The following TMF1 variants were observed in gnomAD, a reference collection of about 807,000 sequenced individuals.
TMF1 encodes the protein TATA element modulatory factor 1.
In TMF1, 71 loss-of-function variants were observed where a neutral mutation model predicts 126.5. That is an observed-to-expected ratio of 0.56 (90% CI 0.46 to 0.68). The LOEUF is 0.68. TMF1 is among the 30% of genes least tolerant of loss of function. The pLI is 0.00. For missense variants in TMF1, 1,259 were observed against 1,253.2 expected, an observed-to-expected ratio of 1.00 and a Z score of -0.07; for synonymous variants, 461 against 430.5, an observed-to-expected ratio of 1.07 and a Z score of -0.88.
Position 69,023,147 on chromosome 3 carries a change from T to A in TMF1, c.*30A>T. 1 of 1,586,724 alleles carries A rather than the reference T, an allele frequency of 6.3e-7. No homozygotes were observed. The highest frequency in any genetic ancestry group is 8.6e-7 in the Non-Finnish European group (1 of 1,160,620). On this transcript the variant is annotated 3_prime_UTR_variant, in exon 17 of 17. Transcript: ENST00000398559. ...ATGTTTAGATATTAAATGCTTACAT[T>A]CAGTTTGATGGGAATTCAATTTTCA...
intron 2 of TMF1, among the ~76,000 whole-genome samples, chr3:69,046,853 TATGA>T (rs2091898428): frequency 6.6e-6 from 1 of 152,194 alleles, no homozygotes; most frequent in African/African-American, 2.4e-5. Context: ...ACTCCTTATA[TATGA>T]ATGAAAATAC....
rs771481761 is a variant in TMF1, at chr3:69,043,889, T to C, written c.1452-13A>G. 6.3e-7 allele frequency: 1 copy of C among 1,591,180 alleles called. No individual in the cohort carries two copies. The highest frequency in any genetic ancestry group is 8.5e-7 in the Non-Finnish European group (1 of 1,169,646). On this transcript the variant is annotated splice_polypyrimidine_tract_variant and intron_variant, in intron 3 of 16. Coordinates refer to ENST00000398559, the MANE Select transcript of TMF1 (RefSeq NM_007114.3). Reference sequence around the variant, plus strand: ...TCTGAACATTTCACTAAATTTAAAATAATATTTGAGAATGAGGATGGTGTC... The same window carrying C: ...TCTGAACATTTCACTAAATTTAAAACAATATTTGAGAATGAGGATGGTGTC...
chr3:69,023,386 C>T, intron 16 of TMF1, 66 bp from the exon 17 acceptor site: 3 of 1,295,458 alleles, frequency 2.3e-6, no homozygotes, highest in Non-Finnish European at 1.1e-6. Flanking sequence ...ATTTATATTG[C>T]CATAGGAGTC....
In TMF1 at chr3:69,042,387, A is replaced by T. The variant is rs369992241; in HGVS notation, c.1684+420T>A. 9 of 456,262 alleles carry T rather than the reference A, an allele frequency of 2.0e-5. No homozygotes were observed. The Admixed American group carries it at 2.1e-4, about 11-fold the overall frequency. 28.3% of individuals were successfully genotyped at this position (456,262 alleles called of 1,614,324 possible). Reference sequence around the variant, plus strand: ...CAGAGACAAAAGTGCTTAATAATTTAAAAATTAATACAATGAAAAATTCAC... The same window carrying T: ...CAGAGACAAAAGTGCTTAATAATTTTAAAATTAATACAATGAAAAATTCAC... On this transcript the variant is annotated intron_variant, in intron 5 of 16. Coordinates refer to ENST00000398559, the MANE Select transcript of TMF1 (RefSeq NM_007114.3).
chr3:69,025,584 C>T lies in TMF1; in HGVS notation c.2988G>A (p.Arg996=), dbSNP rs1278575301. Residue 996 remains arginine, a synonymous_variant, in exon 15 of 17, where the codon AGG becomes AGA. Coordinates refer to ENST00000398559, the MANE Select transcript of TMF1 (RefSeq NM_007114.3). ...IENLQSQLKL[R]EGEITHLQLE... Reference sequence around the variant, plus strand: ...CCTGTAAATGAGTGATTTCCCCTTCCCTTAGCTTTAGCTGAGACTGTAGGT... The same window carrying T: ...CCTGTAAATGAGTGATTTCCCCTTCTCTTAGCTTTAGCTGAGACTGTAGGT... The T allele has an allele frequency of 6.2e-7, 1 of 1,612,802 alleles. No individual in the cohort carries two copies. The highest frequency in any genetic ancestry group is 8.5e-7 in the Non-Finnish European group (1 of 1,179,520).
chr3:69,043,835 G>A lies in TMF1; in HGVS notation c.1493C>T (p.Ser498Phe), dbSNP rs758815357. ...RVKEESSSIS[S>F]LKDEFTQRIA... ...TCTTTGAGTAAACTCATCTTTCAAG[G>A]AAGAAATGCTACTGCTTTCTTCTTT... Residue 498 changes from serine (S) to phenylalanine (F), a missense_variant, in exon 4 of 17, where the codon TCC becomes TTC. Physicochemically the swap from Ser to Phe is radical, Grantham distance 155. Coordinates refer to ENST00000398559, the MANE Select transcript of TMF1 (RefSeq NM_007114.3). The A allele has an allele frequency of 6.2e-7, 1 of 1,610,668 alleles. No homozygotes were observed.
In TMF1 at chr3:69,032,984, G is replaced by A. The variant is rs370935349; in HGVS notation, c.2401+564C>T. Among the ~76,000 whole-genome samples the A allele has an allele frequency of 6.6e-5, 10 of 151,946 alleles. No individual in the cohort carries two copies. In the East Asian group the frequency reaches 1.7e-3, roughly 26 times the overall value. On this transcript the variant is annotated intron_variant, in intron 10 of 16. Transcript: ENST00000398559. Reference sequence around the variant, plus strand: ...CTTGACTCTCCTTAGACCTATTTTCGCTCTTGGAATTCTACCAGTGATGAG... The same window carrying A: ...CTTGACTCTCCTTAGACCTATTTTCACTCTTGGAATTCTACCAGTGATGAG...
At chr3:69,030,510 T>C (rs2091794537) in intron 10 of TMF1, 1 of 152,264 alleles carries the variant, frequency 6.6e-6, no homozygotes, top group Non-Finnish European at 1.5e-5. Flanking sequence ...CTTTTAAATC[T>C]ATGTGAAGAG....
intron 15 of TMF1, chr3:69,025,304 C>G (rs1362013240): frequency 5.5e-6 from 2 of 363,146 alleles, no homozygotes; most frequent in Non-Finnish European, 9.9e-6. Flanking sequence ...GAGGCCTGCT[C>G]CAGCCCAGCA....
intron 11 of TMF1, among the ~76,000 whole-genome samples, chr3:69,029,094 A>G (rs1197712817): frequency 6.7e-6 from 1 of 150,256 alleles, no homozygotes; most frequent in African/African-American, 2.5e-5. Context: ...GCTGGGGTGC[A>G]ATGGTGCAAT....
At position 69,042,803 on chromosome 3, in the gene TMF1, G is replaced by T. The variant is rs373194763; in HGVS notation, c.1684+4C>A. The T allele has an allele frequency of 1.2e-6, 2 of 1,609,742 alleles. No homozygotes were observed. Among genetic ancestry groups the T allele is most frequent in the Non-Finnish European group, 1.7e-6 (2 of 1,176,636 alleles). ...TTTCATAGTCAACCAAATACTATAC[G>T]CACCTTCTTCCATTAACCCTCGGAT... On this transcript the variant is annotated splice_donor_region_variant and intron_variant, in intron 5 of 16. Coordinates refer to ENST00000398559, the MANE Select transcript of TMF1 (RefSeq NM_007114.3).
Position 69,027,914 on chromosome 3 carries a change from TTTC to T in TMF1, c.2740_2742del (p.Glu914del), listed in dbSNP as rs2091778972. ...AAATTCAATACCTTTTCTTTTATTG[TTTC>T]TTGAGTAAAAATGGCTTTCTTCCTT... On this transcript the variant is annotated inframe_deletion, in exon 13 of 17. Transcript: ENST00000398559. 3.2e-6 allele frequency: 5 copies of T among 1,563,538 alleles called. No homozygotes were observed. The East Asian group carries it at 1.1e-4, about 35-fold the overall frequency.
chr3:69,050,613 C>T (rs1258341096), intron 1 of TMF1, among the ~76,000 whole-genome samples: 3 of 152,166 alleles, frequency 2.0e-5, no homozygotes, highest in Non-Finnish European at 4.4e-5. Context: ...TATATTCTAT[C>T]TTATCTAAAG....
intron 8 of TMF1, among the ~76,000 whole-genome samples, chr3:69,036,792 G>C (rs2091833874): frequency 6.6e-6 from 1 of 152,152 alleles, no homozygotes; most frequent in Non-Finnish European, 1.5e-5. Context: ...ACATGCAAAA[G>C]ACCTAAATGT....
At position 69,021,500 on chromosome 3, in the gene TMF1, G is replaced by T. The variant is rs1169134107; in HGVS notation, c.*1677C>A. 1 of 152,446 alleles carries T rather than the reference G, an allele frequency of 6.6e-6. No individual in the cohort carries two copies. The highest frequency in any genetic ancestry group is 2.4e-5 in the African/African-American group (1 of 41,372). 9.4% of individuals were successfully genotyped at this position (152,446 alleles called of 1,614,324 possible). On this transcript the variant is annotated 3_prime_UTR_variant, in exon 17 of 17. Coordinates refer to ENST00000398559, the MANE Select transcript of TMF1 (RefSeq NM_007114.3). ...TTTATGAATCTGGCTCACACTGAAA[G>T]AATATTTATTAACACTACCAATCAG...
chr3:69,034,938 T>C (rs997305641), intron 9 of TMF1, 85 bp downstream of exon 9: 36 of 1,244,714 alleles, frequency 2.9e-5, no homozygotes, highest in East Asian at 4.6e-5. Flanking sequence ...CTCAATTCCA[T>C]GAACACTATC....
At chr3:69,041,239 T>C (rs2091862918) in intron 5 of TMF1, among the ~76,000 whole-genome samples, 1 of 152,228 alleles carries the variant, frequency 6.6e-6, no homozygotes, top group Non-Finnish European at 1.5e-5. Flanking sequence ...AAAATAATTA[T>C]AACAACAGTT....
intron 5 of TMF1, chr3:69,042,484 A>G: frequency 2.0e-6 from 1 of 494,150 alleles, no homozygotes. Context: ...TAAATCCCAG[A>G]GTTACACACT....
intron 16 of TMF1, 33 bp from the exon 17 acceptor site, chr3:69,023,353 T>C (rs1390991129): frequency 6.5e-7 from 1 of 1,547,226 alleles, no homozygotes; most frequent in African/African-American, 1.4e-5. Flanking sequence ...ATTTTTAAAA[T>C]AACTACACAG....
Sources: allele counts gnomAD v4.1 joint callset (sites outside exome capture counted in the v4.1 genomes callset), GRCh38; gene constraint gnomAD v4.1.1; transcripts MANE v1.5; gene names NCBI Gene and HGNC (gene_info 2026-07-23, HGNC 2026-07-21).